RAB31: variants seen among roughly 807,000 people sequenced by gnomAD.
RAB31 encodes the protein ras-related protein Rab-31.
In RAB31, 21 loss-of-function variants were observed where a neutral mutation model predicts 25.6. The observed-to-expected ratio is 0.82, with a 90% CI of 0.58 to 1.18. The LOEUF (loss-of-function observed/expected upper bound fraction) is 1.18. RAB31 is among the 50% of genes most tolerant of loss of function. The pLI is 0.00. For missense variants in RAB31, 196 were observed against 250.1 expected, an observed-to-expected ratio of 0.78 and a Z score of 1.46; for synonymous variants, 87 against 84.0, an observed-to-expected ratio of 1.04 and a Z score of -0.20.
Position 9,792,233 on chromosome 18 carries a change from C to T in RAB31, c.199C>T (p.Arg67Trp). Residue 67 changes from arginine (R) to tryptophan (W), a missense_variant and splice_region_variant, in exon 3 of 7, where the codon CGG becomes TGG. By Grantham distance (101) the Arg-to-Trp change is moderately radical (BLOSUM62 -3). Transcript: ENST00000578921. ...FLIWDTAGQE[R>W]FHSLAPMYYR... ...CATCTGGGACACTGCTGGTCAGGAA[C>T]GGGTGAGTATATGCTGTTTTTTGGT... 2.5e-6 allele frequency: 4 copies of T among 1,610,626 alleles called. No homozygotes were observed. Among genetic ancestry groups the T allele is most frequent in the Non-Finnish European group, 3.4e-6 (4 of 1,178,396 alleles).
intron 1 of RAB31, among the ~76,000 whole-genome samples, chr18:9,753,428 T>G (rs1196738301): frequency 6.6e-6 from 1 of 152,208 alleles, no homozygotes; most frequent in African/African-American, 2.4e-5. Context: ...CTGCTCCACC[T>G]TGGGACTCTA....
intron 2 of RAB31, among the ~76,000 whole-genome samples, chr18:9,781,445 T>C (rs1409681550): frequency 6.6e-6 from 1 of 152,190 alleles, no homozygotes; most frequent in Non-Finnish European, 1.5e-5. Context: ...GCCTCCCAAG[T>C]AGCTGGGATT....
chr18:9,722,640 A>G (rs1488522076), intron 1 of RAB31: 5 of 152,200 alleles, frequency 3.3e-5, no homozygotes, highest in Admixed American at 2.6e-4. Flanking sequence ...GGAATAGTTA[A>G]TGACTACCTC....
intron 1 of RAB31, among the ~76,000 whole-genome samples, chr18:9,736,503 T>C (rs2068151946): frequency 6.6e-6 from 1 of 152,126 alleles, no homozygotes; most frequent in African/African-American, 2.4e-5. Context: ...CCTTTTTTTT[T>C]CATTTGTTGA....
chr18:9,720,106 C>T (rs765269299), intron 1 of RAB31, among the ~76,000 whole-genome samples: 1 of 152,086 alleles, frequency 6.6e-6, no homozygotes, highest in East Asian at 1.9e-4. Flanking sequence ...TGGAATTACA[C>T]GCATGCACCA....
At chr18:9,752,088 C>G (rs1267972390) in intron 1 of RAB31, among the ~76,000 whole-genome samples, 1 of 152,136 alleles carries the variant, frequency 6.6e-6, no homozygotes. Flanking sequence ...AAGAGGCTGC[C>G]TCCAGCCTCT....
intron 5 of RAB31, among the ~76,000 whole-genome samples, chr18:9,835,247 C>A (rs943693367): frequency 2.0e-5 from 3 of 152,122 alleles, no homozygotes; most frequent in Non-Finnish European, 4.4e-5. Context: ...CAAACAGGAC[C>A]CACAGTACAA....
chr18:9,755,838 G>GA (rs1423304005), intron 1 of RAB31, among the ~76,000 whole-genome samples: 1 of 152,082 alleles, frequency 6.6e-6, no homozygotes, highest in Non-Finnish European at 1.5e-5. Flanking sequence ...GAGGAAGTGG[G>GA]GGCTTTTGCT....
At position 9,779,418 on chromosome 18, in the gene RAB31, C is replaced by T. The variant is rs148506009; in HGVS notation, c.119+4061C>T. Among the ~76,000 whole-genome samples, 1,362 of 152,194 alleles carry T rather than the reference C, an allele frequency of 8.9e-3. 21 individuals carry two copies. Among genetic ancestry groups the T allele is most frequent in the African/African-American group, 0.031 (1,284 of 41,512 alleles). On this transcript the variant is annotated intron_variant, in intron 2 of 6. Transcript: ENST00000578921. Reference sequence around the variant, plus strand: ...TACTTTCTGTGGACATGCAGGTATACAAGCTAAAAATGAAAACGTATCACA... The same window carrying T: ...TACTTTCTGTGGACATGCAGGTATATAAGCTAAAAATGAAAACGTATCACA...
intron 1 of RAB31, among the ~76,000 whole-genome samples, chr18:9,774,187 G>A (rs1465334407): frequency 6.6e-6 from 1 of 152,084 alleles, no homozygotes; most frequent in African/African-American, 2.4e-5. Context: ...CAAATATCGG[G>A]AACTCTAGAG....
intron 2 of RAB31, among the ~76,000 whole-genome samples, chr18:9,786,154 GAAGGAAAGAAAAGAA>G (rs1236226279): frequency 7.5e-6 from 1 of 132,524 alleles, no homozygotes; most frequent in Non-Finnish European, 1.6e-5. Context: ...AAGAAAGAAA[GAAGGAAAGAAAAGAA>G]AAGGAAAGAA....
intron 1 of RAB31, among the ~76,000 whole-genome samples, chr18:9,760,851 T>C (rs999539245): frequency 6.6e-6 from 1 of 152,224 alleles, no homozygotes; most frequent in African/African-American, 2.4e-5. Flanking sequence ...GTGGAAAGGA[T>C]ATCAAATGAA....
At chr18:9,716,755 T>C (rs1250961211) in intron 1 of RAB31, among the ~76,000 whole-genome samples, 1 of 152,004 alleles carries the variant, frequency 6.6e-6, no homozygotes, top group Non-Finnish European at 1.5e-5. Flanking sequence ...AAAATGGAAT[T>C]TTTATTTGAG....
chr18:9,738,411 C>CAGGGA (rs2068161344), intron 1 of RAB31, among the ~76,000 whole-genome samples: 2 of 152,112 alleles, frequency 1.3e-5, no homozygotes, highest in Admixed American at 1.3e-4. Context: ...AAGGGACCTC[C>CAGGGA]AGGGAAGGGA....
rs895862165 is a variant in RAB31, at chr18:9,723,055, A to AT, written c.39+14621dup. Among the ~76,000 whole-genome samples the AT allele has an allele frequency of 4.3e-3, 647 of 150,254 alleles. 6 individuals are homozygous for AT. The highest frequency in any genetic ancestry group is 0.015 in the African/African-American group (600 of 41,074). ...TGCAATAGGTTTTGTTCATAAAAGC[A>AT]TTTTTTTTTTGAGACCAAGTCTCGT... On this transcript the variant is annotated intron_variant, in intron 1 of 6. Coordinates refer to ENST00000578921, the MANE Select transcript of RAB31 (RefSeq NM_006868.4).
At chr18:9,774,376 A>C (rs943660752) in intron 1 of RAB31, among the ~76,000 whole-genome samples, 1 of 152,136 alleles carries the variant, frequency 6.6e-6, no homozygotes, top group African/African-American at 2.4e-5. Context: ...CTGGGGCTCC[A>C]AGGGTATGTT....
intron 1 of RAB31, among the ~76,000 whole-genome samples, chr18:9,730,185 TA>T (rs1396811170): frequency 6.6e-6 from 1 of 152,228 alleles, no homozygotes; most frequent in East Asian, 1.9e-4. Context: ...TATTTGGAAA[TA>T]TTTTTTACTA....
intron 1 of RAB31, among the ~76,000 whole-genome samples, chr18:9,738,786 C>T (rs2068163256): frequency 6.6e-6 from 1 of 152,234 alleles, no homozygotes; most frequent in South Asian, 2.1e-4. Flanking sequence ...AAGCACAGGA[C>T]ACCTTCCTCC....
At chr18:9,751,430 T>C (rs1038548805) in intron 1 of RAB31, among the ~76,000 whole-genome samples, 11 of 152,220 alleles carry the variant, frequency 7.2e-5, no homozygotes, top group African/African-American at 2.7e-4. Context: ...TGTGCAACAG[T>C]GCCTTTAAAC....
Sources: allele counts gnomAD v4.1 joint callset (sites outside exome capture counted in the v4.1 genomes callset), GRCh38; gene constraint gnomAD v4.1.1; transcripts MANE v1.5; gene names NCBI Gene and HGNC (gene_info 2026-07-23, HGNC 2026-07-21).